The following TYW1B variants were observed in gnomAD, a reference collection of about 807,000 sequenced individuals.
TYW1B encodes tRNA-yW synthesizing protein 1 homolog B.
A neutral mutation model predicts 86.9 loss-of-function variants in TYW1B; 73 were observed. The ratio of observed to expected loss-of-function variants is 0.84; its 90% CI spans 0.70 to 1.02. TYW1B has a LOEUF of 1.02. Among genes scored for constraint, TYW1B ranks in the 50% least tolerant of loss-of-function variants. The pLI, the probability that TYW1B is intolerant of heterozygous loss-of-function variation, is 0.00. For missense variants in TYW1B, 637 were observed against 827.4 expected (o/e 0.77, Z 2.82); for synonymous variants, 248 against 292.8 (o/e 0.85, Z 1.56).
intron 6 of TYW1B, among the ~76,000 whole-genome samples, chr7:72,802,041 AT>A (rs11422825): frequency 0.76 from 111,309 of 147,284 alleles, 41,940 homozygotes; most frequent in East Asian, 0.77. Context: ...GTATTTTGCG[AT>A]TTTTTTTTTT....
intron 11 of TYW1B, among the ~76,000 whole-genome samples, chr7:72,681,218 G>A (rs532266090): frequency 6.6e-6 from 1 of 152,246 alleles, no homozygotes; most frequent in Non-Finnish European, 1.5e-5. Flanking sequence ...TATACACCAA[G>A]AGGAGATCGG....
At chr7:72,814,268 A>G (rs1788679046) in intron 3 of TYW1B, among the ~76,000 whole-genome samples, 1 of 151,982 alleles carries the variant, frequency 6.6e-6, no homozygotes, top group Non-Finnish European at 1.5e-5. Flanking sequence ...CGCCTGGGCA[A>G]CACAGTGAGA....
chr7:72,709,945 C>T lies in TYW1B; in HGVS notation c.1370+3676G>A, dbSNP rs1786604669. Among the ~76,000 whole-genome samples the T allele has an allele frequency of 2.0e-5, 3 of 152,168 alleles. No individual in the cohort carries two copies. In the South Asian group the frequency reaches 6.2e-4, roughly 31 times the overall value. ...TGTTTGTTGAAGATGGCAATCAAGGCTAGTACGAACATCTTGTCGTATTCC... is the reference window on the plus strand; with the variant it reads ...TGTTTGTTGAAGATGGCAATCAAGGTTAGTACGAACATCTTGTCGTATTCC... On this transcript the variant is annotated intron_variant, in intron 10 of 13. Transcript: ENST00000620995.
chr7:72,748,279 A>T (rs1425990377), intron 7 of TYW1B, among the ~76,000 whole-genome samples: 1 of 152,164 alleles, frequency 6.6e-6, no homozygotes, highest in Admixed American at 6.6e-5. Flanking sequence ...AAAAAAAAAA[A>T]TACAGAATAC....
intron 11 of TYW1B, among the ~76,000 whole-genome samples, chr7:72,685,945 A>G (rs1813997768): frequency 6.6e-6 from 1 of 152,218 alleles, no homozygotes; most frequent in Admixed American, 6.6e-5. Flanking sequence ...CTCAACAATA[A>G]GAAAATGAAC....
intron 12 of TYW1B, among the ~76,000 whole-genome samples, chr7:72,619,513 C>T (rs1184179021): frequency 4.0e-5 from 6 of 151,420 alleles, no homozygotes; most frequent in Non-Finnish European, 4.4e-5. Context: ...CGGTGGCGGG[C>T]GCCTGTAGTC....
At chr7:72,779,200 T>A (rs1330661260) in intron 6 of TYW1B, among the ~76,000 whole-genome samples, 7 of 152,234 alleles carry the variant, frequency 4.6e-5, no homozygotes, top group Non-Finnish European at 7.3e-5. Context: ...GTGAATGGAC[T>A]CACTGTAACA....
intron 9 of TYW1B, among the ~76,000 whole-genome samples, chr7:72,720,278 G>A (rs1274483473): frequency 6.6e-6 from 1 of 152,134 alleles, no homozygotes; most frequent in African/African-American, 2.4e-5. Flanking sequence ...ACAGGGAGGA[G>A]GACCACGGAC....
chr7:72,770,151 C>T (rs1196179037), intron 7 of TYW1B, among the ~76,000 whole-genome samples: 2 of 151,338 alleles, frequency 1.3e-5, no homozygotes, highest in African/African-American at 2.4e-5. Context: ...ACAATGAGGG[C>T]CAGGCACGGT....
At chr7:72,690,538 C>G (rs1450052719) in intron 11 of TYW1B, among the ~76,000 whole-genome samples, 2 of 152,138 alleles carry the variant, frequency 1.3e-5, no homozygotes, top group Non-Finnish European at 2.9e-5. Flanking sequence ...TTGGGTAGTA[C>G]TAGATCAGAA....
At chr7:72,763,364 C>A (rs112528970) in intron 7 of TYW1B, among the ~76,000 whole-genome samples, 1 of 147,470 alleles carries the variant, frequency 6.8e-6, no homozygotes, top group Middle Eastern at 3.6e-3. Context: ...CTCACTGCAA[C>A]CTCCGCCTCC....
intron 13 of TYW1B, among the ~76,000 whole-genome samples, chr7:72,578,688 C>T (rs533147176): frequency 6.6e-6 from 1 of 152,304 alleles, no homozygotes; most frequent in South Asian, 2.1e-4. Flanking sequence ...ACTGGGCCAA[C>T]TATGGACTTG....
chr7:72,600,772 G>C (rs1455573618), intron 13 of TYW1B, among the ~76,000 whole-genome samples: 2 of 152,104 alleles, frequency 1.3e-5, no homozygotes, highest in African/African-American at 2.4e-5. Context: ...TGAGGTGGGA[G>C]GATCCCCTGA....
intron 6 of TYW1B, among the ~76,000 whole-genome samples, chr7:72,788,234 C>G: frequency 6.6e-6 from 1 of 152,060 alleles, no homozygotes; most frequent in East Asian, 1.9e-4. Flanking sequence ...CCATCTCAGC[C>G]TCCCAAAGGA....
At chr7:72,700,002 GT>G (rs782768742) in intron 10 of TYW1B, among the ~76,000 whole-genome samples, 20 of 151,930 alleles carry the variant, frequency 1.3e-4, no homozygotes, top group Non-Finnish European at 1.9e-4. Context: ...CTAATTACAT[GT>G]GTGTGGCTCT....
intron 7 of TYW1B, among the ~76,000 whole-genome samples, chr7:72,766,053 G>T (rs1554468265): frequency 6.6e-6 from 1 of 152,074 alleles, no homozygotes; most frequent in South Asian, 2.1e-4. Context: ...CCTAACTTAA[G>T]AAATACTTTT....
intron 9 of TYW1B, chr7:72,723,217 C>G (rs1786937346): frequency 5.6e-6 from 2 of 360,078 alleles, no homozygotes; most frequent in Non-Finnish European, 1.0e-5. Context: ...CTTCCCTTTC[C>G]CCTGGTCCCC....
intron 13 of TYW1B, among the ~76,000 whole-genome samples, chr7:72,592,160 T>TA (rs56146824): frequency 0.028 from 2,891 of 103,228 alleles, 74 homozygotes; most frequent in Middle Eastern, 0.054. Context: ...ACTAATGTGT[T>TA]AAAAAAAAAA....
chr7:72,603,098 ATGGATGGATGGAT>A (rs1554434138), intron 13 of TYW1B, among the ~76,000 whole-genome samples: 1 of 51,336 alleles, frequency 1.9e-5, no homozygotes, highest in East Asian at 9.6e-4. Flanking sequence ...CAGATGATGG[ATGGATGGATGGAT>A]GGATGGATGG....
Sources: allele counts gnomAD v4.1 joint callset (sites outside exome capture counted in the v4.1 genomes callset), GRCh38; gene constraint gnomAD v4.1.1; transcripts MANE v1.5; gene names NCBI Gene and HGNC (gene_info 2026-07-23, HGNC 2026-07-21).